The following TRAM1 variants were observed in gnomAD, a reference collection of about 807,000 sequenced individuals.
TRAM1 encodes the protein translocating chain-associated membrane protein 1.
A neutral mutation model predicts 48.7 loss-of-function variants in TRAM1; 17 were observed. The ratio of observed to expected loss-of-function variants is 0.35; its 90% CI spans 0.24 to 0.52. The LOEUF is 0.52. Ranked by LOEUF, TRAM1 falls within the 20% of genes least tolerant of loss-of-function variation. The probability of loss-of-function intolerance (pLI) is 0.94; values close to 1 mark genes in which losing one functional copy is unlikely to be tolerated. For synonymous variants in TRAM1, 182 were observed against 154.0 expected (o/e 1.18, Z -1.34); for missense variants, 351 against 441.5 (o/e 0.79, Z 1.84).
intron 10 of TRAM1, among the ~76,000 whole-genome samples, chr8:70,580,506 C>T (rs1563380298): frequency 6.6e-6 from 1 of 152,128 alleles, no homozygotes; most frequent in Non-Finnish European, 1.5e-5. Context: ...ATCTAACAAC[C>T]TTCCATGATA....
chr8:70,608,250 C>T lies in TRAM1; in HGVS notation c.-51G>A, dbSNP rs1315634068. ...GGTGCTCCGCCCCGGTTCTGCTCTT[C>T]CCAGCTGCTCACCGACTCGCCGCCG... On this transcript the variant is annotated 5_prime_UTR_variant, in exon 1 of 11. Coordinates refer to ENST00000262213, the MANE Select transcript of TRAM1 (RefSeq NM_014294.6). 1.3e-6 allele frequency: 2 copies of T among 1,518,782 alleles called. No homozygotes were observed. Among genetic ancestry groups the T allele is most frequent in the African/African-American group, 2.9e-5 (2 of 69,362 alleles). 94.1% of individuals were successfully genotyped at this position (1,518,782 alleles called of 1,614,324 possible). A position where few individuals can be genotyped will look rare whatever the true frequency, so the allele number is the denominator to read the frequency against.
chr8:70,600,608 A>G (rs896557906), intron 1 of TRAM1, among the ~76,000 whole-genome samples: 1 of 152,210 alleles, frequency 6.6e-6, no homozygotes, highest in African/African-American at 2.4e-5. Context: ...TGGAATGCTT[A>G]CCCAATCTTT....
chr8:70,588,364 T>C (rs1474359790), intron 6 of TRAM1, among the ~76,000 whole-genome samples: 1 of 152,248 alleles, frequency 6.6e-6, no homozygotes, highest in African/African-American at 2.4e-5. Context: ...GACAGGAGGA[T>C]TGCTTGAAGC....
At chr8:70,579,855 G>A (rs1469514158) in intron 10 of TRAM1, among the ~76,000 whole-genome samples, 2 of 152,124 alleles carry the variant, frequency 1.3e-5, no homozygotes, top group African/African-American at 2.4e-5. Context: ...GGAAGAAAAT[G>A]AAAAGGTATA....
intron 1 of TRAM1, among the ~76,000 whole-genome samples, chr8:70,601,794 G>A (rs893810851): frequency 7.9e-5 from 12 of 152,184 alleles, no homozygotes; most frequent in African/African-American, 2.7e-4. Context: ...AGAGTACAAG[G>A]TTATTTATTG....
intron 1 of TRAM1, among the ~76,000 whole-genome samples, chr8:70,602,717 G>T (rs893300049): frequency 1.3e-5 from 2 of 152,218 alleles, no homozygotes; most frequent in African/African-American, 2.4e-5. Context: ...TCTGAGGTTA[G>T]AAACCTTTGA....
chr8:70,577,685 C>T (rs2132022779), intron 10 of TRAM1, among the ~76,000 whole-genome samples: 1 of 152,308 alleles, frequency 6.6e-6, no homozygotes, highest in Non-Finnish European at 1.5e-5. Context: ...TGAAACATGC[C>T]CCTCTGCTCA....
At position 70,583,671 on chromosome 8, in the gene TRAM1, T is replaced by C; in HGVS notation, c.869A>G (p.Asn290Ser). Residue 290 changes from asparagine (N) to serine (S), a missense_variant, in exon 9 of 11, where the codon AAC becomes AGC. By Grantham distance (46) the Asn-to-Ser change is conservative. Transcript: ENST00000262213. ...ENQKLDFSTG[N>S]FNVLAVRIAV... The stretch of plus-strand genomic sequence containing the variant: ...GTACCTAACAGCTAACACATTGAAG[T>C]TTCCAGTACTGAAATCCAGCTTCTG... The C allele has an allele frequency of 1.2e-6, 2 of 1,612,760 alleles. 1 individual carries two copies. Among genetic ancestry groups the C allele is most frequent in the South Asian group, 2.2e-5 (2 of 90,804 alleles).
intron 6 of TRAM1, among the ~76,000 whole-genome samples, chr8:70,591,891 G>A (rs370434076): frequency 1.4e-4 from 22 of 152,050 alleles, no homozygotes; most frequent in Non-Finnish European, 2.5e-4. Flanking sequence ...AGAAGATGAC[G>A]TCATGATGTG....
Position 70,608,217 on chromosome 8 carries a change from C to T in TRAM1, c.-18G>A, listed in dbSNP as rs768003720. The T allele has an allele frequency of 1.9e-6, 3 of 1,579,538 alleles. No individual in the cohort carries two copies. The highest frequency in any genetic ancestry group is 1.8e-5 in the Admixed American group (1 of 56,086). ...ATCGCCATGGTGGGGCCGCCGCCCG[C>T]GCCTGCAGGTGCTCCGCCCCGGTTC... On this transcript the variant is annotated 5_prime_UTR_variant, in exon 1 of 11. Transcript: ENST00000262213.
intron 10 of TRAM1, among the ~76,000 whole-genome samples, chr8:70,582,519 G>GAA (rs75737537): frequency 3.0e-5 from 3 of 98,946 alleles, no homozygotes; most frequent in African/African-American, 7.7e-5. Context: ...GGACAAACTT[G>GAA]AAAAAAAAAA....
rs144158109 is a variant in TRAM1, at chr8:70,594,709, A to G, written c.486-119T>C. The stretch of plus-strand genomic sequence containing the variant: ...CTACCTTTGTGTCATCATTCCATAC[A>G]ATATCTGTGCACCTTTAAACAACTC... On this transcript the variant is annotated intron_variant, in intron 5 of 10. Coordinates refer to ENST00000262213, the MANE Select transcript of TRAM1 (RefSeq NM_014294.6). 2.1e-4 allele frequency: 150 copies of G among 718,694 alleles called. No individual in the cohort carries two copies. The African/African-American group carries it at 2.5e-3, about 12-fold the overall frequency. The allele number at this position is 718,694 out of a possible 1,614,324, so 44.5% of individuals were successfully genotyped here.
rs757433070 is a variant in TRAM1 at position 70,600,065 on chromosome 8, A to G, written c.141T>C (p.Ser47=). 1.2e-5 allele frequency: 20 copies of G among 1,613,922 alleles called. 1 individual carries two copies. The South Asian group carries it at 2.2e-4, about 18-fold the overall frequency. ...TGTACTGAAGAGTAACAAAAATGAT[A>G]GAAGCTTTTGCCGTTATCTACAAAG... is the stretch of plus-strand genomic sequence containing the variant. ...GLMFEITAKA[S]IIFVTLQYNV... The change falls in exon 2 of 11, where the codon TCT becomes TCC. Residue 47 remains serine, a synonymous_variant. Coordinates refer to ENST00000262213, the MANE Select transcript of TRAM1 (RefSeq NM_014294.6).
chr8:70,608,383 A>AC lies in TRAM1; in HGVS notation c.-185_-184insG, dbSNP rs1310025333. 1.3e-5 allele frequency: 8 copies of AC among 623,468 alleles called. No homozygotes were observed. Among genetic ancestry groups the AC allele is most frequent in the African/African-American group, 2.0e-5 (1 of 49,970 alleles). The allele number at this position is 623,468 out of a possible 1,614,324, so 38.6% of individuals were successfully genotyped here. ...CCGGGCCGCCCGGGGGAAAAAAAAA[A>AC]ACACAACAGCTAGCCCGCAGCGGGG... On this transcript the variant is annotated 5_prime_UTR_variant, in exon 1 of 11. Coordinates refer to ENST00000262213, the MANE Select transcript of TRAM1 (RefSeq NM_014294.6).
At chr8:70,597,376 A>C (rs1817510807) in intron 4 of TRAM1, among the ~76,000 whole-genome samples, 1 of 152,128 alleles carries the variant, frequency 6.6e-6, no homozygotes, top group Middle Eastern at 3.2e-3. Context: ...AACCACTATA[A>C]GATACAAAAG....
Position 70,574,819 on chromosome 8 carries a change from CAA to C in TRAM1, c.*111_*112del. ...AAAAATGCATGAAACCGTACAATAG[CAA>C]AAATCAAAGAGCACAGACTGTATTT... On this transcript the variant is annotated 3_prime_UTR_variant, in exon 11 of 11. Transcript: ENST00000262213. 2 of 777,170 alleles carry C rather than the reference CAA, an allele frequency of 2.6e-6. No homozygotes were observed. The highest frequency in any genetic ancestry group is 4.1e-6 in the Non-Finnish European group (2 of 484,872). 48.1% of individuals were successfully genotyped at this position (777,170 alleles called of 1,614,324 possible). A position where few individuals can be genotyped will look rare whatever the true frequency, so the allele number is the denominator to read the frequency against.
intron 6 of TRAM1, chr8:70,587,437 A>G: frequency 2.5e-6 from 1 of 392,658 alleles, no homozygotes; most frequent in Non-Finnish European, 4.6e-6. Context: ...GCAATCTCTC[A>G]TCCTCAATTA....
At chr8:70,607,614 G>A (rs906656198) in intron 1 of TRAM1, 11 of 417,724 alleles carry the variant, frequency 2.6e-5, no homozygotes, top group Non-Finnish European at 2.9e-5. Context: ...GCCGGGCCTC[G>A]GCCTTCCCCG....
rs1383635693 is a variant in TRAM1 at position 70,608,016 on chromosome 8, T to C, written c.123+61A>G. 3.3e-6 allele frequency: 5 copies of C among 1,495,554 alleles called. No homozygotes were observed. In the East Asian group the frequency reaches 7.9e-5, roughly 24 times the overall value. The allele number at this position is 1,495,554 out of a possible 1,614,324, so 92.6% of individuals were successfully genotyped here. On this transcript the variant is annotated intron_variant, in intron 1 of 10. Transcript: ENST00000262213. Reference sequence around the variant, plus strand: ...GGGCGGAGAAGCCGGGGCTGGCATCTGGAGCCCGGGCCCGGGCTGGAGGTG... The same window carrying C: ...GGGCGGAGAAGCCGGGGCTGGCATCCGGAGCCCGGGCCCGGGCTGGAGGTG...
Sources: allele counts gnomAD v4.1 joint callset (sites outside exome capture counted in the v4.1 genomes callset), GRCh38; gene constraint gnomAD v4.1.1; transcripts MANE v1.5; gene names NCBI Gene and HGNC (gene_info 2026-07-23, HGNC 2026-07-21).